Variants in RAD23B observed in about 807,000 individuals in gnomAD.
The protein encoded by RAD23B is RAD23 nucleotide excision repair protein B, also known as lysine-specific demethylase RAD23B.
Under a neutral mutation model 49.1 loss-of-function variants are expected in RAD23B, and 5 were observed. The ratio of observed to expected loss-of-function variants is 0.10; its 90% confidence interval spans 0.05 to 0.21. RAD23B has a LOEUF of 0.21. Among genes scored for constraint, RAD23B ranks in the 10% least tolerant of loss-of-function variants. The pLI, the probability that RAD23B is intolerant of heterozygous loss-of-function variation, is 1.00. For synonymous variants in RAD23B, 184 were observed against 165.4 expected (o/e 1.11, Z -0.86); for missense variants, 356 against 486.7 (o/e 0.73, Z 2.53).
intron 1 of RAD23B, among the ~76,000 whole-genome samples, chr9:107,285,129 A>C (rs1833249743): frequency 6.6e-6 from 1 of 152,214 alleles, no homozygotes; most frequent in Non-Finnish European, 1.5e-5. Flanking sequence ...TTAACTTCTT[A>C]AAAGTACAGG....
chr9:107,328,275 A>G (rs1827245864), intron 9 of RAD23B, among the ~76,000 whole-genome samples: 1 of 152,196 alleles, frequency 6.6e-6, no homozygotes, highest in African/African-American at 2.4e-5. Context: ...CTGACACAGC[A>G]GTCTTTAACC....
In RAD23B at chr9:107,319,128, C is replaced by CT. The variant is rs56891354; in HGVS notation, c.681+269dup. 5.8e-4 allele frequency among the ~76,000 whole-genome samples: 57 copies of CT among 97,798 alleles called. 3 individuals are homozygous for CT. Among genetic ancestry groups the CT allele is most frequent in the Admixed American group, 1.4e-3 (11 of 7,984 alleles). 64.2% of individuals were successfully genotyped at this position (97,798 alleles called of 152,430 possible). ...TATTCAGAACAAAAATTTCTTTTTT[C>CT]TTTTTTTTTTTTTTTTTTTTGAGAC... On this transcript the variant is annotated intron_variant, in intron 6 of 9. Coordinates refer to ENST00000358015, the MANE Select transcript of RAD23B (RefSeq NM_002874.5).
rs1827314745 is a variant in RAD23B at position 107,331,782 on chromosome 9, A to C, written c.*2126A>C. 2 of 769,240 alleles carry C rather than the reference A, an allele frequency of 2.6e-6. No homozygotes were observed. 47.7% of individuals were successfully genotyped at this position (769,240 alleles called of 1,614,324 possible). A position where few individuals can be genotyped will look rare whatever the true frequency, so the allele number is the denominator to read the frequency against. On this transcript the variant is annotated 3_prime_UTR_variant, in exon 10 of 10. Transcript: ENST00000358015. ...CAACAAATCTGGATATACTAGGATT[A>C]ATTATCAGAAGACAGCTCAGGCCAA...
chr9:107,298,936 A>G (rs1337265638), intron 1 of RAD23B, among the ~76,000 whole-genome samples: 1 of 152,168 alleles, frequency 6.6e-6, no homozygotes, highest in Non-Finnish European at 1.5e-5. Flanking sequence ...TTTGGGGAAC[A>G]TCAGAATAGC....
intron 1 of RAD23B, among the ~76,000 whole-genome samples, chr9:107,290,441 G>C (rs1336695896): frequency 6.6e-6 from 1 of 152,054 alleles, no homozygotes; most frequent in Non-Finnish European, 1.5e-5. Flanking sequence ...CTATTTCCCT[G>C]CTTCTCAAGA....
intron 9 of RAD23B, 99 bp downstream of exon 9, chr9:107,325,103 T>G (rs1185549583): frequency 1.3e-5 from 16 of 1,190,412 alleles, no homozygotes; most frequent in Non-Finnish European, 1.4e-5. Context: ...TCACCTGAGG[T>G]CAGGAGTTCA....
chr9:107,303,440 A>G (rs576517853), intron 3 of RAD23B, among the ~76,000 whole-genome samples: 37 of 152,298 alleles, frequency 2.4e-4, no homozygotes, highest in Middle Eastern at 3.4e-3. Context: ...TATACTTAAG[A>G]ACTTAAGTCA....
intron 3 of RAD23B, 126 bp downstream of exon 3, chr9:107,302,240 A>G (rs1826670075): frequency 2.4e-6 from 3 of 1,267,742 alleles, no homozygotes; most frequent in Non-Finnish European, 2.0e-6. Context: ...CTACTATGAA[A>G]GGTTTTTAAG....
chr9:107,316,490 G>A (rs1369662166), intron 5 of RAD23B, among the ~76,000 whole-genome samples: 1 of 152,130 alleles, frequency 6.6e-6, no homozygotes, highest in East Asian at 1.9e-4. Context: ...TCTGTATCTG[G>A]GAATTAGGTT....
intron 3 of RAD23B, among the ~76,000 whole-genome samples, chr9:107,303,457 G>C (rs1587853194): frequency 6.6e-6 from 1 of 152,122 alleles, no homozygotes; most frequent in Non-Finnish European, 1.5e-5. Context: ...GTCATTATAT[G>C]TTAAGTTTAA....
At chr9:107,304,511 G>T (rs1473056197) in intron 3 of RAD23B, among the ~76,000 whole-genome samples, 1 of 152,192 alleles carries the variant, frequency 6.6e-6, no homozygotes, top group East Asian at 1.9e-4. Context: ...AATAGGAAAA[G>T]AAGGGAGTAA....
rs75987334 is a variant in RAD23B, at chr9:107,290,962, A to G, written c.66+7267A>G. The stretch of plus-strand genomic sequence containing the variant: ...TGGCACAGTGAATCGTACGAAGGAC[A>G]CTACACCATCTGTTCCCTGTAAGTT... On this transcript the variant is annotated intron_variant, in intron 1 of 9. Coordinates refer to ENST00000358015, the MANE Select transcript of RAD23B (RefSeq NM_002874.5). Among the ~76,000 whole-genome samples, 1,308 of 152,350 alleles carry G rather than the reference A, an allele frequency of 8.6e-3. 17 individuals are homozygous for G. Among genetic ancestry groups the G allele is most frequent in the African/African-American group, 0.03 (1,254 of 41,572 alleles).
At chr9:107,327,192 T>C (rs920561192) in intron 9 of RAD23B, among the ~76,000 whole-genome samples, 1 of 152,220 alleles carries the variant, frequency 6.6e-6, no homozygotes, top group Non-Finnish European at 1.5e-5. Context: ...GTGGTTGTTG[T>C]TAATGACAAA....
intron 4 of RAD23B, among the ~76,000 whole-genome samples, chr9:107,308,000 T>C (rs180852564): frequency 1.8e-4 from 28 of 152,274 alleles, no homozygotes; most frequent in Non-Finnish European, 3.1e-4. Context: ...CAGGTCTGTA[T>C]ATGAGAGGGA....
At chr9:107,302,487 A>G (rs1287150648) in intron 3 of RAD23B, among the ~76,000 whole-genome samples, 1 of 152,144 alleles carries the variant, frequency 6.6e-6, no homozygotes, top group Non-Finnish European at 1.5e-5. Context: ...TAGACCTGCT[A>G]AATTACGTAC....
intron 1 of RAD23B, chr9:107,284,239 C>T: frequency 1.0e-6 from 1 of 984,472 alleles, no homozygotes. Context: ...ATTGTTTACC[C>T]TTTTATTTGC....
intron 5 of RAD23B, among the ~76,000 whole-genome samples, chr9:107,314,697 G>T (rs574578037): frequency 2.0e-5 from 3 of 152,124 alleles, no homozygotes; most frequent in Non-Finnish European, 4.4e-5. Context: ...ATAGTAGTGG[G>T]ATTTCTGGAT....
At chr9:107,322,249 C>T in intron 7 of RAD23B, 131 bp downstream of exon 7, 1 of 1,156,652 alleles carries the variant, frequency 8.6e-7, no homozygotes, top group Non-Finnish European at 1.2e-6. Context: ...TCTCTCTTCA[C>T]TAATGTTTGA....
intron 3 of RAD23B, among the ~76,000 whole-genome samples, chr9:107,303,779 A>G (rs1435616795): frequency 6.6e-6 from 1 of 152,214 alleles, no homozygotes; most frequent in Non-Finnish European, 1.5e-5. Flanking sequence ...TACATAGTAC[A>G]TAATGGGAAA....
Sources: gnomAD v4.1 joint callset for allele counts (sites outside exome capture counted in the v4.1 genomes callset) on GRCh38, gnomAD v4.1.1 for gene constraint, MANE v1.5 for transcripts, NCBI Gene and HGNC (gene_info 2026-07-23, HGNC 2026-07-21) for gene names.